Variants in ALK observed in about 807,000 individuals in gnomAD.
ALK encodes ALK receptor tyrosine kinase.
A neutral mutation model predicts 163.1 loss-of-function variants in ALK; 74 were observed. The observed-to-expected ratio is 0.45, with a 90% CI of 0.38 to 0.55. The LOEUF (loss-of-function observed/expected upper bound fraction) is 0.55, where lower values mean the gene tolerates loss of function less well. Among genes scored for constraint, ALK ranks in the 20% least tolerant of loss-of-function variants. The pLI, the probability that ALK is intolerant of heterozygous loss-of-function variation, is 0.00. For synonymous variants in ALK, 960 were observed against 843.2 expected, an observed-to-expected ratio of 1.14 and a Z score of -2.40; for missense variants, 2,063 against 2,105.3, an observed-to-expected ratio of 0.98 and a Z score of 0.39.
intron 4 of ALK, among the ~76,000 whole-genome samples, chr2:29,452,297 G>C (rs1199071552): frequency 2.0e-5 from 3 of 151,430 alleles, no homozygotes; most frequent in Non-Finnish European, 4.4e-5. Flanking sequence ...TTTGCCTAGA[G>C]TGTGTTTCTC....
chr2:29,568,844 G>A (rs146988496), intron 3 of ALK, among the ~76,000 whole-genome samples: 11 of 152,288 alleles, frequency 7.2e-5, no homozygotes, highest in Admixed American at 3.9e-4. Context: ...AAAAACAATC[G>A]CTTGGCAGTG....
intron 23 of ALK, among the ~76,000 whole-genome samples, chr2:29,219,178 C>A (rs200716624): frequency 1.3e-5 from 2 of 152,160 alleles, no homozygotes; most frequent in Non-Finnish European, 2.9e-5. Flanking sequence ...GAGGAGGATG[C>A]CAGCTGATGA....
At chr2:29,662,726 GT>G (rs11304189) in intron 3 of ALK, among the ~76,000 whole-genome samples, 97,151 of 151,672 alleles carry the variant, frequency 0.64, 31,317 homozygotes, top group East Asian at 0.73. Flanking sequence ...TCCTCTCATT[GT>G]TTTTTTTGCG....
intron 15 of ALK, among the ~76,000 whole-genome samples, chr2:29,229,879 C>T (rs970865112): frequency 6.6e-6 from 1 of 152,214 alleles, no homozygotes; most frequent in Non-Finnish European, 1.5e-5. Context: ...GGACGATACC[C>T]TGGCAACAAA....
At chr2:29,876,717 ATGGTGATGATGATGG>A (rs1666730341) in intron 1 of ALK, among the ~76,000 whole-genome samples, 1 of 140,022 alleles carries the variant, frequency 7.1e-6, no homozygotes, top group Admixed American at 7.0e-5. Flanking sequence ...GATGGTGGTG[ATGGTGATGATGATGG>A]TGGTGATGGT....
At chr2:29,892,097 G>A (rs1667162402) in intron 1 of ALK, among the ~76,000 whole-genome samples, 1 of 152,182 alleles carries the variant, frequency 6.6e-6, no homozygotes, top group South Asian at 2.1e-4. Flanking sequence ...CACCATGGAA[G>A]GATGTGGTTT....
At position 29,571,076 on chromosome 2, in the gene ALK, G is replaced by T. The variant is rs563849364; in HGVS notation, c.953-38960C>A. Among the ~76,000 whole-genome samples the T allele has an allele frequency of 9.4e-4, 143 of 152,264 alleles. 1 individual carries two copies. The highest frequency in any genetic ancestry group is 3.8e-3 in the Admixed American group (58 of 15,280). On this transcript the variant is annotated intron_variant, in intron 3 of 28. Coordinates refer to ENST00000389048, the MANE Select transcript of ALK (RefSeq NM_004304.5). ...AAACATAGGAAGAGCCCACAGTCCT[G>T]GAGGGAGATAGTGGAGGGGGCACCT... is the stretch of plus-strand genomic sequence containing the variant.
At chr2:29,478,654 T>C (rs1054759706) in intron 4 of ALK, among the ~76,000 whole-genome samples, 2 of 152,224 alleles carry the variant, frequency 1.3e-5, no homozygotes, top group Non-Finnish European at 2.9e-5. Context: ...TGCCAGGTGA[T>C]TGAGGATTGA....
At chr2:29,894,998 C>T (rs183480972) in intron 1 of ALK, among the ~76,000 whole-genome samples, 1 of 152,122 alleles carries the variant, frequency 6.6e-6, no homozygotes, top group Admixed American at 6.6e-5. Context: ...GGTAAAACCT[C>T]CATATGTCAA....
At chr2:29,606,920 A>G (rs1675557251) in intron 3 of ALK, among the ~76,000 whole-genome samples, 1 of 152,202 alleles carries the variant, frequency 6.6e-6, no homozygotes, top group Admixed American at 6.5e-5. Context: ...TGCCCCTCTT[A>G]GAAATACACA....
At chr2:29,677,119 T>C (rs1386111874) in intron 3 of ALK, among the ~76,000 whole-genome samples, 1 of 151,876 alleles carries the variant, frequency 6.6e-6, no homozygotes, top group Non-Finnish European at 1.5e-5. Context: ...TGTATATCTG[T>C]ATGTTTTTAG....
At chr2:29,419,077 C>T (rs911733628) in intron 4 of ALK, among the ~76,000 whole-genome samples, 1 of 151,184 alleles carries the variant, frequency 6.6e-6, no homozygotes, top group Non-Finnish European at 1.5e-5. Context: ...TATTGTGAGA[C>T]AGTGTCTCAC....
chr2:29,779,761 A>G (rs561572657), intron 1 of ALK, among the ~76,000 whole-genome samples: 35 of 152,320 alleles, frequency 2.3e-4, no homozygotes, highest in Non-Finnish European at 4.4e-4. Context: ...TCAAGTATAG[A>G]AGGTAACTTT....
intron 3 of ALK, among the ~76,000 whole-genome samples, chr2:29,584,004 T>A (rs957100579): frequency 1.3e-5 from 2 of 152,212 alleles, no homozygotes; most frequent in African/African-American, 4.8e-5. Flanking sequence ...TTAGCTTCTG[T>A]CTTTCTTGGA....
At chr2:29,434,726 A>G (rs1670357787) in intron 4 of ALK, among the ~76,000 whole-genome samples, 2 of 152,232 alleles carry the variant, frequency 1.3e-5, no homozygotes, top group African/African-American at 4.8e-5. Context: ...AAAGGCATTG[A>G]TCAGCCCCCA....
chr2:29,781,057 T>A (rs1030591825), intron 1 of ALK, among the ~76,000 whole-genome samples: 17 of 152,200 alleles, frequency 1.1e-4, no homozygotes, highest in African/African-American at 3.9e-4. Flanking sequence ...CTTCTATATG[T>A]CTGGAAGCTT....
intron 3 of ALK, among the ~76,000 whole-genome samples, chr2:29,637,745 A>C (rs1397782207): frequency 6.8e-6 from 1 of 147,026 alleles, no homozygotes; most frequent in African/African-American, 2.6e-5. Flanking sequence ...TGGTGCTGGG[A>C]ATGTTCTGTA....
chr2:29,843,603 T>C (rs547117446), intron 1 of ALK, among the ~76,000 whole-genome samples: 91 of 152,278 alleles, frequency 6.0e-4, no homozygotes, highest in African/African-American at 1.9e-3. Flanking sequence ...GCTGAATTCA[T>C]TGAAGGGGAT....
chr2:29,858,135 C>T (rs1040470986), intron 1 of ALK, among the ~76,000 whole-genome samples: 2 of 152,116 alleles, frequency 1.3e-5, no homozygotes, highest in African/African-American at 4.8e-5. Flanking sequence ...CTGTATCCAT[C>T]ACCACAGTCA....
Sources: allele counts gnomAD v4.1 joint callset (sites outside exome capture counted in the v4.1 genomes callset), GRCh38; gene constraint gnomAD v4.1.1; transcripts MANE v1.5; gene names NCBI Gene and HGNC (gene_info 2026-07-23, HGNC 2026-07-21).